The following ERBB4 variants were observed in gnomAD, a reference collection of about 807,000 sequenced individuals.
ERBB4 encodes the protein erb-b2 receptor tyrosine kinase 4, also known as receptor tyrosine-protein kinase erbB-4.
A neutral mutation model predicts 158.0 loss-of-function variants in ERBB4; 42 were observed. The ratio of observed to expected loss-of-function variants is 0.27; its 90% confidence interval spans 0.21 to 0.34. The LOEUF (loss-of-function observed/expected upper bound fraction) is 0.34. Ranked by LOEUF, ERBB4 falls within the 10% of genes least tolerant of loss-of-function variation. The probability of loss-of-function intolerance (pLI) is 1.00; values close to 1 mark genes in which losing one functional copy is unlikely to be tolerated. For missense variants in ERBB4, 1,333 were observed against 1,624.1 expected, an observed-to-expected ratio of 0.82 and a Z score of 3.08; for synonymous variants, 583 against 558.7, an observed-to-expected ratio of 1.04 and a Z score of -0.61.
At chr2:212,511,731 G>A (rs1046113365) in intron 1 of ERBB4, among the ~76,000 whole-genome samples, 1 of 152,098 alleles carries the variant, frequency 6.6e-6, no homozygotes, top group African/African-American at 2.4e-5. Flanking sequence ...CCAAGGTATT[G>A]TAATTGAACA....
intron 2 of ERBB4, among the ~76,000 whole-genome samples, chr2:211,963,686 T>A (rs1231273212): frequency 6.6e-6 from 1 of 152,102 alleles, no homozygotes; most frequent in Non-Finnish European, 1.5e-5. Flanking sequence ...GTAGCAAAAT[T>A]TTCTATGTTG....
At chr2:211,527,234 A>G (rs2066373458) in intron 20 of ERBB4, among the ~76,000 whole-genome samples, 1 of 152,132 alleles carries the variant, frequency 6.6e-6, no homozygotes, top group Non-Finnish European at 1.5e-5. Context: ...GAGCACCCAC[A>G]TGTATGGCAA....
At chr2:212,467,136 A>C (rs1690936646) in intron 1 of ERBB4, among the ~76,000 whole-genome samples, 1 of 152,210 alleles carries the variant, frequency 6.6e-6, no homozygotes, top group Admixed American at 6.5e-5. Flanking sequence ...ATTCAGTTTC[A>C]AAAGGAAAAC....
At chr2:212,061,022 AATAG>A (rs1391120401) in intron 2 of ERBB4, among the ~76,000 whole-genome samples, 1 of 151,862 alleles carries the variant, frequency 6.6e-6, no homozygotes, top group African/African-American at 2.4e-5. Flanking sequence ...AATATTTTGG[AATAG>A]ATACTCTTAA....
chr2:212,001,964 T>C (rs1053421625), intron 2 of ERBB4, among the ~76,000 whole-genome samples: 6 of 152,202 alleles, frequency 3.9e-5, no homozygotes, highest in Non-Finnish European at 7.3e-5. Flanking sequence ...TTGGTAGTAT[T>C]GAGAATTTTC....
chr2:211,697,632 T>G (rs1006616215), intron 12 of ERBB4, among the ~76,000 whole-genome samples: 3 of 152,056 alleles, frequency 2.0e-5, no homozygotes, highest in African/African-American at 7.2e-5. Context: ...ATAAAGCAAT[T>G]TACAAGATTT....
At chr2:211,787,193 T>C (rs1279022166) in intron 4 of ERBB4, among the ~76,000 whole-genome samples, 1 of 152,126 alleles carries the variant, frequency 6.6e-6, no homozygotes, top group East Asian at 1.9e-4. Context: ...AGGTGGGAAA[T>C]ATATAATAGA....
chr2:212,311,796 C>A (rs2087056229), intron 1 of ERBB4, among the ~76,000 whole-genome samples: 1 of 150,908 alleles, frequency 6.6e-6, no homozygotes, highest in Non-Finnish European at 1.5e-5. Flanking sequence ...TGACATTTCC[C>A]AGATGGAAGA....
chr2:212,328,025 AC>A (rs975159495), intron 1 of ERBB4, among the ~76,000 whole-genome samples: 7 of 30,898 alleles, frequency 2.3e-4, no homozygotes, highest in African/African-American at 1.1e-3. Flanking sequence ...TCTTAAAACA[AC>A]TTTAAAAAAA....
At chr2:212,364,222 G>A (rs1293575946) in intron 1 of ERBB4, among the ~76,000 whole-genome samples, 1 of 151,642 alleles carries the variant, frequency 6.6e-6, no homozygotes, top group Non-Finnish European at 1.5e-5. Flanking sequence ...AAGGGAGATG[G>A]GAGAATACCC....
chr2:212,415,583 G>C (rs1329760337), intron 1 of ERBB4, among the ~76,000 whole-genome samples: 1 of 151,986 alleles, frequency 6.6e-6, no homozygotes, highest in Non-Finnish European at 1.5e-5. Context: ...TGCTAAACAA[G>C]AGACTTTTCC....
chr2:212,085,882 A>G (rs1262999149), intron 2 of ERBB4, among the ~76,000 whole-genome samples: 2 of 151,868 alleles, frequency 1.3e-5, no homozygotes, highest in Non-Finnish European at 2.9e-5. Context: ...ATTGCCATCA[A>G]TATTTTTATA....
chr2:211,596,769 T>C (rs1278677966), intron 19 of ERBB4, among the ~76,000 whole-genome samples: 2 of 141,334 alleles, frequency 1.4e-5, no homozygotes, highest in Non-Finnish European at 3.0e-5. Context: ...CCACTTACTC[T>C]TTTTTTTTTT....
intron 20 of ERBB4, among the ~76,000 whole-genome samples, chr2:211,473,956 C>T (rs537293278): frequency 4.6e-5 from 7 of 151,990 alleles, no homozygotes; most frequent in African/African-American, 1.4e-4. Context: ...CCTGGGTTAT[C>T]GTAAACCCAT....
chr2:212,140,846 A>AGTGTGT (rs35461019), intron 1 of ERBB4, among the ~76,000 whole-genome samples: 5,363 of 131,670 alleles, frequency 0.041, 102 homozygotes, highest in South Asian at 0.066. Context: ...AGGAAACATG[A>AGTGTGT]GTGTGTGTGT....
chr2:212,372,477 C>T (rs367961877), intron 1 of ERBB4, among the ~76,000 whole-genome samples: 71 of 152,012 alleles, frequency 4.7e-4, no homozygotes, highest in Non-Finnish European at 9.0e-4. Flanking sequence ...TGGCCAGGCG[C>T]GGTGGCTCAC....
intron 3 of ERBB4, among the ~76,000 whole-genome samples, chr2:211,918,408 A>C (rs1313376005): frequency 3.0e-4 from 45 of 152,106 alleles, no homozygotes; most frequent in Admixed American, 3.0e-3. Context: ...TCCATTAGAA[A>C]CTGGTCTGTA....
In ERBB4 at chr2:211,449,580, CACAT is replaced by C. The variant is rs201646636; in HGVS notation, c.2488-18484_2488-18481del. ...AAATCTGAGTATGAAATGGAAAGCA[CACAT>C]ACCATCTGTGAAGAAATGCCCTTAT... On this transcript the variant is annotated intron_variant, in intron 20 of 27. Coordinates refer to ENST00000342788, the MANE Select transcript of ERBB4 (RefSeq NM_005235.3). Among the ~76,000 whole-genome samples the C allele has an allele frequency of 7.1e-3, 1,083 of 152,254 alleles. 12 individuals are homozygous for C. Among genetic ancestry groups the C allele is most frequent in the African/African-American group, 0.025 (1,038 of 41,554 alleles).
At chr2:212,308,823 C>T (rs967538465) in intron 1 of ERBB4, among the ~76,000 whole-genome samples, 3 of 150,804 alleles carry the variant, frequency 2.0e-5, no homozygotes, top group African/African-American at 7.3e-5. Flanking sequence ...ATAAGATTAT[C>T]CTTTTGGTAG....
Sources: allele counts gnomAD v4.1 joint callset (sites outside exome capture counted in the v4.1 genomes callset), GRCh38; gene constraint gnomAD v4.1.1; transcripts MANE v1.5; gene names NCBI Gene and HGNC (gene_info 2026-07-23, HGNC 2026-07-21).